GPR158: variants seen among roughly 807,000 people sequenced by gnomAD.
GPR158 encodes the protein G protein-coupled receptor 158.
Under a neutral mutation model 78.2 loss-of-function variants are expected in GPR158, and 30 were observed. The ratio of observed to expected loss-of-function variants is 0.38; its 90% confidence interval spans 0.29 to 0.52. GPR158 has a LOEUF of 0.52. Among genes scored for constraint, GPR158 ranks in the 20% least tolerant of loss-of-function variants. The pLI, the probability that GPR158 is intolerant of heterozygous loss-of-function variation, is 0.83. For synonymous variants in GPR158, 581 were observed against 591.1 expected (o/e 0.98, Z 0.25); for missense variants, 1,463 against 1,523.5 (o/e 0.96, Z 0.66).
At chr10:25,541,138 T>C (rs2130703143) in intron 5 of GPR158, among the ~76,000 whole-genome samples, 1 of 151,868 alleles carries the variant, frequency 6.6e-6, no homozygotes, top group Non-Finnish European at 1.5e-5. Context: ...AGATTTTTGA[T>C]TGCCAGACTT....
intron 6 of GPR158, among the ~76,000 whole-genome samples, chr10:25,553,368 A>G (rs77078818): frequency 0.023 from 3,496 of 152,286 alleles, 60 homozygotes; most frequent in African/African-American, 0.04. Flanking sequence ...ATTGCAGTGA[A>G]GAGTTTCTCC....
rs181900645 is a variant in GPR158, at chr10:25,253,709, A to G, written c.1008+32552A>G. 7.3e-4 allele frequency among the ~76,000 whole-genome samples: 111 copies of G among 152,292 alleles called. 1 individual carries two copies. The highest frequency in any genetic ancestry group is 2.5e-3 in the African/African-American group (102 of 41,562). On this transcript the variant is annotated intron_variant, in intron 2 of 10. Transcript: ENST00000376351. ...CGTTATTTATATATATATATATCAC[A>G]CTTTGATAGTTTCTGAGCTGTGTTG...
chr10:25,544,504 CG>C (rs1383784039), intron 5 of GPR158, among the ~76,000 whole-genome samples: 1 of 151,886 alleles, frequency 6.6e-6, no homozygotes, highest in Non-Finnish European at 1.5e-5. Flanking sequence ...GTTATCAGTG[CG>C]TATGTGTTGG....
chr10:25,321,278 A>G (rs774573963), intron 2 of GPR158, among the ~76,000 whole-genome samples: 1 of 152,234 alleles, frequency 6.6e-6, no homozygotes, highest in Non-Finnish European at 1.5e-5. Flanking sequence ...TCAACTGAAC[A>G]TTACAATATG....
intron 2 of GPR158, among the ~76,000 whole-genome samples, chr10:25,281,409 CAAAA>C (rs749627659): frequency 2.9e-5 from 2 of 68,522 alleles, no homozygotes; most frequent in African/African-American, 9.3e-5. Flanking sequence ...ACCAAAAATA[CAAAA>C]AAAAAAAAAA....
chr10:25,482,638 C>G (rs1001428765), intron 5 of GPR158, among the ~76,000 whole-genome samples: 1 of 152,072 alleles, frequency 6.6e-6, no homozygotes, highest in Non-Finnish European at 1.5e-5. Flanking sequence ...CCCTTATGAT[C>G]TCATCCATTC....
chr10:25,389,828 G>A (rs141386332), intron 2 of GPR158, among the ~76,000 whole-genome samples: 17 of 152,232 alleles, frequency 1.1e-4, no homozygotes, highest in East Asian at 3.9e-4. Context: ...ACCACACCAC[G>A]TTTCTTGGTG....
chr10:25,562,464 A>G (rs564080934), intron 6 of GPR158, among the ~76,000 whole-genome samples: 21 of 152,290 alleles, frequency 1.4e-4, no homozygotes, highest in African/African-American at 4.8e-4. Context: ...TGCAATCCAT[A>G]AATTCTGATA....
chr10:25,175,990 C>T lies in GPR158; in HGVS notation c.570C>T (p.Val190=). The T allele has an allele frequency of 6.2e-7, 1 of 1,613,302 alleles. No individual in the cohort carries two copies. The highest frequency in any genetic ancestry group is 8.5e-7 in the Non-Finnish European group (1 of 1,179,920). Residue 190 remains valine (V), a synonymous_variant, in exon 1 of 11, where the codon GTC becomes GTT. Transcript: ENST00000376351. This position sits in a 1 kb window ranked among gnomAD's most constrained non-coding sequence, Gnocchi z 6.4. ...TDSLSAPAPQ[V]FLQATREESR... is the part of the protein sequence containing the mutation. ...CGCTGTCCGCACCGGCCCCACAGGT[C>T]TTCCTCCAGGCCACGCGCGAGGAGA... is the stretch of plus-strand genomic sequence containing the variant.
intron 5 of GPR158, among the ~76,000 whole-genome samples, chr10:25,485,155 T>C (rs1310779806): frequency 6.6e-6 from 1 of 151,976 alleles, no homozygotes; most frequent in Non-Finnish European, 1.5e-5. Context: ...CAATGTGTCC[T>C]GAGAAATAAT....
In GPR158 at chr10:25,176,233, G is replaced by C; in HGVS notation, c.813G>C (p.Glu271Asp). The change falls in exon 1 of 11, where the codon GAG becomes GAC. Residue 271 changes from glutamate (E) to aspartate (D), a missense_variant. Transcript: ENST00000376351. The surrounding 1 kb of genome is among the most constrained non-coding windows in gnomAD (Gnocchi z 6.3). ...SHFKWSPPYL[E>D]CENGSYKPGW... ...TCAAGTGGTCTCCGCCTTATCTGGA[G>C]TGCGAGAACGGGAGTTACAAGCCCG... 1 of 1,605,852 alleles carries C rather than the reference G, an allele frequency of 6.2e-7. No individual in the cohort carries two copies.
At chr10:25,353,426 TGTAAC>T (rs1378405264) in intron 2 of GPR158, among the ~76,000 whole-genome samples, 1 of 151,926 alleles carries the variant, frequency 6.6e-6, no homozygotes, top group Non-Finnish European at 1.5e-5. Flanking sequence ...ATAAAAATAA[TGTAAC>T]TAACCTGCAC....
intron 1 of GPR158, among the ~76,000 whole-genome samples, chr10:25,213,633 G>A (rs1157580391): frequency 1.3e-5 from 2 of 151,904 alleles, no homozygotes; most frequent in Admixed American, 6.5e-5. Context: ...AGCTGGGTGG[G>A]TTGTTCTTTT....
intron 3 of GPR158, among the ~76,000 whole-genome samples, chr10:25,404,032 T>TG (rs1834479834): frequency 6.6e-6 from 1 of 152,112 alleles, no homozygotes; most frequent in Non-Finnish European, 1.5e-5. Flanking sequence ...GAGCTTCTTA[T>TG]TATGTAGTAG....
intron 2 of GPR158, among the ~76,000 whole-genome samples, chr10:25,276,948 T>A (rs1446152355): frequency 2.5e-5 from 3 of 118,760 alleles, no homozygotes; most frequent in African/African-American, 1.3e-4. Flanking sequence ...CATCCAACTA[T>A]TTTTTTTTTT....
intron 2 of GPR158, among the ~76,000 whole-genome samples, chr10:25,356,174 A>T (rs1855547373): frequency 6.6e-6 from 1 of 151,976 alleles, no homozygotes; most frequent in South Asian, 2.1e-4. Flanking sequence ...GAGTGGGGAG[A>T]GGGGCATCAT....
intron 2 of GPR158, among the ~76,000 whole-genome samples, chr10:25,348,436 C>CACACACAT (rs3220916): frequency 6.9e-6 from 1 of 144,382 alleles, no homozygotes; most frequent in Non-Finnish European, 1.5e-5. Context: ...CACACACACA[C>CACACACAT]GGAAAAACCC....
intron 2 of GPR158, among the ~76,000 whole-genome samples, chr10:25,280,680 A>T (rs1453008710): frequency 6.6e-6 from 1 of 152,184 alleles, no homozygotes; most frequent in African/African-American, 2.4e-5. Context: ...GTTGACCATG[A>T]AGCCATAAAT....
chr10:25,552,811 G>T (rs952561235), intron 6 of GPR158, among the ~76,000 whole-genome samples: 1 of 152,208 alleles, frequency 6.6e-6, no homozygotes, highest in Non-Finnish European at 1.5e-5. Context: ...ACTGTGGTCT[G>T]CGAGAGTATG....
Sources: allele counts gnomAD v4.1 joint callset (sites outside exome capture counted in the v4.1 genomes callset), GRCh38; gene constraint gnomAD v4.1.1; non-coding constraint Gnocchi (gnomAD v3.1); transcripts MANE v1.5; gene names NCBI Gene and HGNC (gene_info 2026-07-23, HGNC 2026-07-21).